ARPC1B: variants seen among roughly 807,000 people sequenced by gnomAD.
ARPC1B encodes actin related protein 2/3 complex subunit 1B, also known as actin-related protein 2/3 complex subunit 1B.
Under a neutral mutation model 46.0 loss-of-function variants are expected in ARPC1B, and 29 were observed. The observed-to-expected ratio is 0.63, with a 90% confidence interval of 0.47 to 0.86. The LOEUF (loss-of-function observed/expected upper bound fraction) is 0.86. Ranked by LOEUF, ARPC1B falls within the 40% of genes least tolerant of loss-of-function variation. The probability of loss-of-function intolerance (pLI) is 0.00; values close to 1 mark genes in which losing one functional copy is unlikely to be tolerated. For synonymous variants in ARPC1B, 201 were observed against 213.9 expected (o/e 0.94, Z 0.53); for missense variants, 469 against 529.4 (o/e 0.89, Z 1.12).
At chr7:99,387,001 C>T (rs1403915140) in intron 3 of ARPC1B, among the ~76,000 whole-genome samples, 1 of 152,212 alleles carries the variant, frequency 6.6e-6, no homozygotes, top group Non-Finnish European at 1.5e-5. Context: ...GATCCAGCAG[C>T]TCCACATGAC....
In ARPC1B at chr7:99,391,232, A is replaced by C. The variant is rs531693021; in HGVS notation, c.762A>C (p.Thr254=). 6.2e-7 allele frequency: 1 copy of C among 1,614,030 alleles called. No homozygotes were observed. Among genetic ancestry groups the C allele is most frequent in the East Asian group, 2.2e-5 (1 of 44,870 alleles). The change falls in exon 7 of 10, where the codon ACA becomes ACC. Residue 254 remains threonine, a synonymous_variant. Transcript: ENST00000646101. ...CACTGCTGGCGCTGACCTTCATCAC[A>C]GACAACAGCCTGGTGGCAGCGGTGA... The part of the protein sequence containing the change: ...TLPLLALTFI[T]DNSLVAAGHD...
intron 2 of ARPC1B, 91 bp downstream of exon 2, chr7:99,385,869 G>GGCCC: frequency 7.4e-7 from 1 of 1,357,628 alleles, no homozygotes; most frequent in Non-Finnish European, 1.0e-6. Context: ...GGAGCAGCCA[G>GGCCC]GCCCCCGGAC....
In ARPC1B at chr7:99,394,698, GAAAAAAA is replaced by G. The variant is rs57668352; in HGVS notation, c.*217_*223del. 2 of 1,164,810 alleles carry G rather than the reference GAAAAAAA, an allele frequency of 1.7e-6. No individual in the cohort carries two copies. The highest frequency in any genetic ancestry group is 1.9e-5 in the African/African-American group (1 of 53,716). 72.2% of individuals were successfully genotyped at this position (1,164,810 alleles called of 1,614,324 possible). A position where few individuals can be genotyped will look rare whatever the true frequency, so the allele number is the denominator to read the frequency against. On this transcript the variant is annotated 3_prime_UTR_variant, in exon 10 of 10. Coordinates refer to ENST00000646101, the MANE Select transcript of ARPC1B (RefSeq NM_005720.4). ...TTTTTCTTAAATGCTTTCATTTATT[GAAAAAAA>G]AAAAAAATGCCCCCAAAGCACTATG...
chr7:99,394,368 G>A, intron 9 of ARPC1B, 83 bp from the exon 10 acceptor site: 1 of 1,285,294 alleles, frequency 7.8e-7, no homozygotes, highest in South Asian at 1.2e-5. Context: ...CTGTGCTGGG[G>A]CTGAGATGGG....
chr7:99,376,011 G>A (rs1169266720), intron 1 of ARPC1B, among the ~76,000 whole-genome samples: 2 of 148,886 alleles, frequency 1.3e-5, no homozygotes, highest in South Asian at 2.1e-4. Flanking sequence ...GCAGTGAGCC[G>A]AGATCACGCC....
At chr7:99,384,884 A>G (rs1584403665) in intron 1 of ARPC1B, among the ~76,000 whole-genome samples, 2 of 123,142 alleles carry the variant, frequency 1.6e-5, no homozygotes, top group Non-Finnish European at 1.6e-5. Context: ...TTTTTCTGAG[A>G]TGAGTCTTGC....
chr7:99,391,367 G>A, intron 7 of ARPC1B, 114 bp downstream of exon 7: 1 of 1,134,428 alleles, frequency 8.8e-7, no homozygotes, highest in South Asian at 1.5e-5. Flanking sequence ...TTTCTTCCTT[G>A]CATTCTCTCA....
chr7:99,390,564 G>C (rs1462780321), intron 5 of ARPC1B, among the ~76,000 whole-genome samples: 1 of 151,452 alleles, frequency 6.6e-6, no homozygotes, highest in Non-Finnish European at 1.5e-5. Context: ...TTTAAATGTA[G>C]AGACGGGTTT....
At position 99,394,675 on chromosome 7, in the gene ARPC1B, T is replaced by C. The variant is rs1794706972; in HGVS notation, c.*186T>C. 3.0e-6 allele frequency: 4 copies of C among 1,335,602 alleles called. No homozygotes were observed. In the African/African-American group the frequency reaches 4.8e-5, roughly 16 times the overall value. 82.7% of individuals were successfully genotyped at this position (1,335,602 alleles called of 1,614,324 possible). On this transcript the variant is annotated 3_prime_UTR_variant, in exon 10 of 10. Coordinates refer to ENST00000646101, the MANE Select transcript of ARPC1B (RefSeq NM_005720.4). Reference sequence around the variant, plus strand: ...TACCTATTCAAGGAATACGTGCCTTTTTCTTAAATGCTTTCATTTATTGAA... The same window carrying C: ...TACCTATTCAAGGAATACGTGCCTTCTTCTTAAATGCTTTCATTTATTGAA...
chr7:99,384,253 C>T (rs1794312651), intron 1 of ARPC1B: 1 of 152,424 alleles, frequency 6.6e-6, no homozygotes, highest in South Asian at 2.1e-4. Flanking sequence ...CAGGGTTCCC[C>T]TTCAGTGCTG....
At chr7:99,392,588 G>T in intron 7 of ARPC1B, 83 bp from the exon 8 acceptor site, 1 of 1,265,942 alleles carries the variant, frequency 7.9e-7, no homozygotes, top group South Asian at 1.6e-5. Context: ...TCTGCCTCCC[G>T]GGCGGCCAGA....
Position 99,389,931 on chromosome 7 carries a change from C to G in ARPC1B, c.419C>G (p.Pro140Arg). 3 of 1,614,146 alleles carry G rather than the reference C, an allele frequency of 1.9e-6. No homozygotes were observed. The highest frequency in any genetic ancestry group is 2.5e-6 in the Non-Finnish European group (3 of 1,180,004). Residue 140 changes from proline (P) to arginine (R), a missense_variant, in exon 5 of 10, where the codon CCC becomes CGC. Transcript: ENST00000646101. ...TGGGTTTGCAAGCACATCAAGAAGC[C>G]CATCCGCTCCACCGTCCTCAGCCTG... ...DWWVCKHIKKPIRSTVLSLDW... is the reference protein window; with the variant it reads ...DWWVCKHIKKRIRSTVLSLDW...
In ARPC1B at chr7:99,394,697, TGAA is replaced by T; in HGVS notation, c.*209_*211del. The T allele has an allele frequency of 8.1e-7, 1 of 1,227,950 alleles. No individual in the cohort carries two copies. The highest frequency in any genetic ancestry group is 2.7e-5 in the South Asian group (1 of 37,308). The allele number at this position is 1,227,950 out of a possible 1,614,324, so 76.1% of individuals were successfully genotyped here. A position where few individuals can be genotyped will look rare whatever the true frequency, so the allele number is the denominator to read the frequency against. ...CTTTTTCTTAAATGCTTTCATTTAT[TGAA>T]AAAAAAAAAAAATGCCCCCAAAGCA... On this transcript the variant is annotated 3_prime_UTR_variant, in exon 10 of 10. Coordinates refer to ENST00000646101, the MANE Select transcript of ARPC1B (RefSeq NM_005720.4).
intron 1 of ARPC1B, among the ~76,000 whole-genome samples, chr7:99,385,148 G>A (rs1794347156): frequency 6.6e-6 from 1 of 151,682 alleles, no homozygotes; most frequent in African/African-American, 2.4e-5. Context: ...TAAAGACGGA[G>A]TTTCACCATG....
At chr7:99,391,539 G>GT (rs796230829) in intron 7 of ARPC1B, among the ~76,000 whole-genome samples, 4 of 152,246 alleles carry the variant, frequency 2.6e-5, no homozygotes, top group African/African-American at 9.6e-5. Context: ...GAGGCCACGA[G>GT]TTTGAGACCA....
intron 1 of ARPC1B, among the ~76,000 whole-genome samples, chr7:99,381,100 T>G (rs146191034): frequency 0.012 from 1,891 of 152,268 alleles, 22 homozygotes; most frequent in Middle Eastern, 0.085. Flanking sequence ...GAAACCCCCA[T>G]CAGACCTGCT....
chr7:99,388,361 C>T, intron 4 of ARPC1B, 100 bp downstream of exon 4: 5 of 1,207,346 alleles, frequency 4.1e-6, no homozygotes, highest in Non-Finnish European at 5.9e-6. Flanking sequence ...CCCCTGTTCC[C>T]ATCACCCTGG....
At position 99,384,529 on chromosome 7, in the gene ARPC1B, CAGAG is replaced by C. The variant is rs1271490595; in HGVS notation, c.-13-1167_-13-1164del. On this transcript the variant is annotated intron_variant, in intron 1 of 9. Transcript: ENST00000646101. ...CACCACTGCACTCCATCCTGGGCCA[CAGAG>C]AGAGACCCTGTCTCAAGAAACAAAA... 1.4e-4 allele frequency among the ~76,000 whole-genome samples: 22 copies of C among 152,176 alleles called. 1 individual carries two copies. Among genetic ancestry groups the C allele is most frequent in the African/African-American group, 5.1e-4 (21 of 41,436 alleles).
intron 7 of ARPC1B, 69 bp downstream of exon 7, chr7:99,391,322 A>C: frequency 2.4e-5 from 35 of 1,453,338 alleles, no homozygotes; most frequent in Non-Finnish European, 3.1e-5. Flanking sequence ...AGCAACTCTC[A>C]TCTCCTCCCT....
Sources: allele counts gnomAD v4.1 joint callset (sites outside exome capture counted in the v4.1 genomes callset), GRCh38; gene constraint gnomAD v4.1.1; transcripts MANE v1.5; gene names NCBI Gene and HGNC (gene_info 2026-07-23, HGNC 2026-07-21).